The following MED12 variants were observed in gnomAD, a reference collection of about 807,000 sequenced individuals.
MED12 encodes the protein mediator of RNA polymerase II transcription subunit 12.
A neutral mutation model predicts 177.7 loss-of-function variants in MED12; 10 were observed. The ratio of observed to expected loss-of-function variants is 0.06; its 90% CI spans 0.03 to 0.10. The LOEUF (loss-of-function observed/expected upper bound fraction) is 0.10, where lower values mean the gene tolerates loss of function less well. MED12 is among the 10% of genes least tolerant of loss of function. MED12 has a pLI of 1.00. For missense variants in MED12, 867 were observed against 1,780.8 expected (o/e 0.49, Z 9.23); for synonymous variants, 641 against 678.4 (o/e 0.94, Z 0.86).
intron 41 of MED12, among the ~76,000 whole-genome samples, chrX:71,140,080 C>CTTTTTTTTTT (rs746271800): frequency 2.3e-5 from 2 of 88,647 alleles, no homozygotes; most frequent in Admixed American, 1.3e-4. Context: ...TCTTTTCTTT[C>CTTTTTTTTTT]TTTTTTTTTT....
chrX:71,126,217 C>T (rs978633674), intron 18 of MED12, 63 bp downstream of exon 18: 2 of 1,156,188 alleles, frequency 1.7e-6, no homozygotes, highest in Admixed American at 2.2e-5. Context: ...TCCTTTTCTT[C>T]CCTATCTTCT....
intron 21 of MED12, 160 bp downstream of exon 21, chrX:71,127,627 C>T: frequency 1.9e-6 from 1 of 514,448 alleles, no homozygotes; most frequent in Non-Finnish European, 3.3e-6. Context: ...AAGAGTGGGC[C>T]CTCTTCCTCA....
Position 71,134,384 on chromosome X carries a change from C to T in MED12, c.4645C>T (p.Arg1549Cys), listed in dbSNP as rs2147820879. The T allele has an allele frequency of 8.6e-7, 1 of 1,164,768 alleles. No homozygotes were observed. Residue 1549 changes from arginine (R) to cysteine (C), a missense_variant, in exon 34 of 45, where the codon CGC (arginine) becomes TGC (cysteine). Physicochemically the swap from Arg to Cys is radical, Grantham distance 180. Coordinates refer to ENST00000374080, the MANE Select transcript of MED12 (RefSeq NM_005120.3). ...LVGGMFDTVQRSTQQTTEWAM... is the reference protein window; with the variant it reads ...LVGGMFDTVQCSTQQTTEWAM... ...GGGGGGCATGTTTGACACGGTGCAG[C>T]GCAGCACCCAGCAGACCACGGAGTG...
chrX:71,128,573 G>A, intron 23 of MED12, 25 bp from the exon 24 acceptor site: 3 of 1,210,794 alleles, frequency 2.5e-6, no homozygotes, highest in Non-Finnish European at 3.4e-6. Context: ...ACTGAGTCAT[G>A]GTGTCTGTCT....
intron 12 of MED12, 22 bp downstream of exon 12, chrX:71,123,742 T>A (rs776533329): frequency 8.5e-7 from 1 of 1,175,194 alleles, no homozygotes; most frequent in South Asian, 1.9e-5. Flanking sequence ...TACCACTCTC[T>A]AGTTACCTCT....
chrX:71,118,604 G>T lies in MED12; in HGVS notation c.-151G>T. On this transcript the variant is annotated 5_prime_UTR_variant, in exon 1 of 45. Transcript: ENST00000374080. ...CCTCGGCTTCCCTCGGTAGTTTCCGGCAATGGTCGAGAGTTTCTAACGTGC... is the reference window on the plus strand; with the variant it reads ...CCTCGGCTTCCCTCGGTAGTTTCCGTCAATGGTCGAGAGTTTCTAACGTGC... 2 of 516,994 alleles carry T rather than the reference G, an allele frequency of 3.9e-6. No homozygotes were observed. The highest frequency in any genetic ancestry group is 2.6e-5 in the South Asian group (1 of 37,996). The allele number at this position is 516,994 out of a possible 1,213,427, so 42.6% of individuals were successfully genotyped here.
Position 71,142,189 on chromosome X carries a change from C to T in MED12, c.6505C>T (p.Pro2169Ser). 8.3e-7 allele frequency: 1 copy of T among 1,211,045 alleles called. No individual in the cohort carries two copies. Among genetic ancestry groups the T allele is most frequent in the Non-Finnish European group, 1.1e-6 (1 of 894,911 alleles). ...QQQLSNTQPQ[P>S]STNIFGRY is the part of the protein sequence containing the mutation. ...GTTTTTCACAGATACCCAGCCACAG[C>T]CCAGTACCAACATATTTGGACGCTA... Residue 2169 changes from proline (P) to serine (S), a missense_variant, in exon 45 of 45, where the codon CCC (proline) becomes TCC (serine). This residue lies in a region of MED12 where 236 missense variants were observed against 345.2 expected (regional missense o/e 0.68). Transcript: ENST00000374080.
rs1454875768 is a variant in MED12 at position 71,124,778 on chromosome X, A to G, written c.1989A>G (p.Ser663=). The change falls in exon 14 of 45, where the codon TCA becomes TCG. Residue 663 remains serine (S), a synonymous_variant. Transcript: ENST00000374080. Reference sequence around the variant, plus strand: ...TATGCCCTCAGGATCCAGGGCTCTCAGAATCTATGGACATTGACCCTAGTT... The same window carrying G: ...TATGCCCTCAGGATCCAGGGCTCTCGGAATCTATGGACATTGACCCTAGTT... ...SSSKLEDPGL[S]ESMDIDPSSS... is the part of the protein sequence containing the mutation. 1 of 1,209,894 alleles carries G rather than the reference A, an allele frequency of 8.3e-7. No individual in the cohort carries two copies. Among genetic ancestry groups the G allele is most frequent in the East Asian group, 3.0e-5 (1 of 33,840 alleles).
In MED12 at chrX:71,122,620, G is replaced by A. The variant is rs2147784394; in HGVS notation, c.1348+13G>A. ...GAAGCTACTGCAGGTATGTGTCAGA[G>A]AACAGATAATAGGAAATATGTTTGA... On this transcript the variant is annotated intron_variant, in intron 9 of 44. Coordinates refer to ENST00000374080, the MANE Select transcript of MED12 (RefSeq NM_005120.3). The A allele has an allele frequency of 8.3e-7, 1 of 1,203,124 alleles. No individual in the cohort carries two copies. The highest frequency in any genetic ancestry group is 1.1e-6 in the Non-Finnish European group (1 of 887,623).
At position 71,129,770 on chromosome X, in the gene MED12, G is replaced by A. The variant is rs1388327076; in HGVS notation, c.3782G>A (p.Arg1261Gln). 12 of 1,209,638 alleles carry A rather than the reference G, an allele frequency of 9.9e-6. No individual in the cohort carries two copies. The highest frequency in any genetic ancestry group is 6.5e-5 in the Admixed American group (3 of 45,909). Residue 1261 changes from arginine (R) to glutamine (Q), a missense_variant, in exon 27 of 45, where the codon CGG (arginine) becomes CAG (glutamine). This residue lies in a region of MED12 where 29 missense variants were observed against 31.3 expected (regional missense o/e 0.93). Transcript: ENST00000374080. The stretch of plus-strand genomic sequence containing the variant: ...GAGGGAGGAGGTGGCAGTGGTGGTC[G>A]GAGGCAGGGTGGCCGCAACATCTCT... ...EEEGGGGSGGRRQGGRNISVE... is the reference protein window; with the variant it reads ...EEEGGGGSGGQRQGGRNISVE...
At chrX:71,133,326 G>C in intron 33 of MED12, 114 bp downstream of exon 33, 1 of 494,928 alleles carries the variant, frequency 2.0e-6, no homozygotes. Context: ...GTTATTCTGA[G>C]TCTTGAAGGG....
At chrX:71,129,528 T>C in intron 26 of MED12, 99 bp downstream of exon 26, 4 of 971,397 alleles carry the variant, frequency 4.1e-6, no homozygotes, top group Non-Finnish European at 5.8e-6. Context: ...AGGTGGTCTC[T>C]CTGACCTTTG....
In MED12 at chrX:71,136,463, C is replaced by T. The variant is rs1428187840; in HGVS notation, c.5208C>T (p.Ala1736=). The change falls in exon 37 of 45, where the codon GCC becomes GCT. Residue 1736 remains alanine, a synonymous_variant. Coordinates refer to ENST00000374080, the MANE Select transcript of MED12 (RefSeq NM_005120.3). Reference sequence around the variant, plus strand: ...CACACCTGAGGCCCCGGCCCCGCGCCTATTACCTGGAGCCACTGCCACTGC... The same window carrying T: ...CACACCTGAGGCCCCGGCCCCGCGCTTATTACCTGGAGCCACTGCCACTGC... ...YHTHLRPRPR[A]YYLEPLPLPP... is the part of the protein sequence containing the mutation. 8.3e-7 allele frequency: 1 copy of T among 1,207,345 alleles called. No individual in the cohort carries two copies. The highest frequency in any genetic ancestry group is 1.1e-6 in the Non-Finnish European group (1 of 894,452).
intron 20 of MED12, 39 bp from the exon 21 acceptor site, chrX:71,127,297 A>T (rs527896173): frequency 8.3e-7 from 1 of 1,207,807 alleles, no homozygotes; most frequent in South Asian, 1.8e-5. Flanking sequence ...GAGCCCGCAT[A>T]CCATCTGCTG....
chrX:71,131,503 G>T (rs952899924), intron 28 of MED12, 47 bp from the exon 29 acceptor site: 1 of 1,156,144 alleles, frequency 8.6e-7, no homozygotes. Context: ...TGGGTAGCTG[G>T]GGGTAACACG....
chrX:71,125,956 C>T, intron 17 of MED12, 80 bp from the exon 18 acceptor site: 1 of 392,939 alleles, frequency 2.5e-6, no homozygotes, highest in Non-Finnish European at 4.9e-6. Context: ...CCATAGCCTT[C>T]TCTCCATACC....
rs773240125 is a variant in MED12 at position 71,124,160 on chromosome X, G to A, written c.1746G>A (p.Thr582=). 8.3e-6 allele frequency: 10 copies of A among 1,206,420 alleles called. No individual in the cohort carries two copies. The highest frequency in any genetic ancestry group is 4.3e-5 in the Admixed American group (2 of 46,000). Residue 582 remains threonine (T), a splice_region_variant and synonymous_variant, in exon 13 of 45, where the codon ACG becomes ACA. Coordinates refer to ENST00000374080, the MANE Select transcript of MED12 (RefSeq NM_005120.3). ...QFLDTQAPML[T]DPRSESERVE... is the part of the protein sequence containing the mutation. ...TGTTTCCTCATTCCCTTCCTCCAGC[G>A]GACCCTCGAAGTGAGAGTGAGCGGG...
chrX:71,121,195 G>T (rs941065284), intron 5 of MED12, 43 bp downstream of exon 5: 2 of 1,202,703 alleles, frequency 1.7e-6, no homozygotes, highest in Middle Eastern at 2.7e-4. Context: ...GGTTGAGCTT[G>T]AACTTGTACT....
rs200692655 is a variant in MED12 at position 71,140,662 on chromosome X, A to T, written c.6072A>T (p.Thr2024=). The T allele has an allele frequency of 8.3e-6, 10 of 1,208,457 alleles. No individual in the cohort carries two copies. The African/African-American group carries it at 1.4e-4, about 17-fold the overall frequency. ...TTTCACACCAGACACTGCAGCAGAC[A>T]CCCATGATAAGTACCATGACTCCAA... is the stretch of plus-strand genomic sequence containing the variant. ...QRFSHQTLQQ[T]PMISTMTPMS... The change falls in exon 42 of 45, where the codon ACA becomes ACT. Residue 2024 remains threonine, a synonymous_variant. Coordinates refer to ENST00000374080, the MANE Select transcript of MED12 (RefSeq NM_005120.3).
Sources: allele counts gnomAD v4.1 joint callset (sites outside exome capture counted in the v4.1 genomes callset), GRCh38; gene constraint gnomAD v4.1.1; regional missense constraint gnomAD v4.1.1; transcripts MANE v1.5; gene names NCBI Gene and HGNC (gene_info 2026-07-23, HGNC 2026-07-21).